The following CGNL1 variants were observed in gnomAD, a reference collection of about 807,000 sequenced individuals.
CGNL1 encodes the protein cingulin-like protein 1.
CGNL1 carries 132 observed loss-of-function variants against 141.2 expected under a neutral mutation model. The observed-to-expected ratio is 0.93, with a 90% CI of 0.81 to 1.08. The LOEUF (loss-of-function observed/expected upper bound fraction) is 1.08, where lower values mean the gene tolerates loss of function less well. Among genes scored for constraint, CGNL1 ranks in the 50% least tolerant of loss-of-function variants. CGNL1 has a pLI of 0.00. For missense variants in CGNL1, 1,870 were observed against 1,588.6 expected (o/e 1.18, Z -3.01); for synonymous variants, 690 against 622.1 (o/e 1.11, Z -1.63).
chr15:57,416,079 T>C (rs1251427995), intron 1 of CGNL1, among the ~76,000 whole-genome samples: 1 of 152,180 alleles, frequency 6.6e-6, no homozygotes, highest in Non-Finnish European at 1.5e-5. Context: ...AAATACAGTT[T>C]TGAGGCCTTC....
intron 12 of CGNL1, among the ~76,000 whole-genome samples, chr15:57,526,954 T>C (rs1490437022): frequency 3.9e-5 from 6 of 152,238 alleles, no homozygotes; most frequent in African/African-American, 1.4e-4. Context: ...ACTCATGTTC[T>C]TTCTGGGTAT....
intron 1 of CGNL1, among the ~76,000 whole-genome samples, chr15:57,406,717 T>C (rs894287015): frequency 2.2e-4 from 34 of 152,188 alleles, no homozygotes; most frequent in African/African-American, 8.0e-4. Flanking sequence ...ACACATGAGA[T>C]CATGGTAATC....
intron 1 of CGNL1, among the ~76,000 whole-genome samples, chr15:57,423,994 C>T (rs1221181292): frequency 6.6e-6 from 1 of 152,200 alleles, no homozygotes; most frequent in South Asian, 2.1e-4. Flanking sequence ...CTCCAGTCCC[C>T]GGCTTTAAGT....
chr15:57,459,092 T>C (rs1353789227), intron 7 of CGNL1, among the ~76,000 whole-genome samples: 1 of 152,216 alleles, frequency 6.6e-6, no homozygotes, highest in Non-Finnish European at 1.5e-5. Context: ...GAAAGTAGCT[T>C]ATCATCTCTG....
At chr15:57,517,273 A>G (rs1373767236) in intron 9 of CGNL1, among the ~76,000 whole-genome samples, 1 of 152,222 alleles carries the variant, frequency 6.6e-6, no homozygotes. Flanking sequence ...GGCTTCACAC[A>G]GGCATCCACC....
At chr15:57,457,911 G>C (rs2063398899) in intron 7 of CGNL1, among the ~76,000 whole-genome samples, 1 of 152,130 alleles carries the variant, frequency 6.6e-6, no homozygotes, top group African/African-American at 2.4e-5. Flanking sequence ...TTGCTTCTCA[G>C]CCTTCTTGAG....
chr15:57,451,010 A>G (rs1421669717), intron 4 of CGNL1, among the ~76,000 whole-genome samples: 2 of 15,106 alleles, frequency 1.3e-4, no homozygotes, highest in Non-Finnish European at 2.4e-3. Context: ...GTATTCTGCC[A>G]TTAAAATAGA....
chr15:57,413,015 C>T (rs770651718), intron 1 of CGNL1, among the ~76,000 whole-genome samples: 8 of 151,994 alleles, frequency 5.3e-5, no homozygotes, highest in Non-Finnish European at 7.4e-5. Flanking sequence ...TGCGTGCCAC[C>T]ATGCCCGACT....
At chr15:57,545,889 T>A (rs2032836166) in intron 17 of CGNL1, among the ~76,000 whole-genome samples, 187 bp from the exon 18 acceptor site, 1 of 152,218 alleles carries the variant, frequency 6.6e-6, no homozygotes, top group South Asian at 2.1e-4. Context: ...CAGCAAATTC[T>A]ACACCCTGAG....
chr15:57,425,984 C>T (rs2062968420), intron 1 of CGNL1, among the ~76,000 whole-genome samples: 1 of 151,932 alleles, frequency 6.6e-6, no homozygotes. Flanking sequence ...GGCCTTTACT[C>T]ACCAATTCTA....
rs548721093 is a variant in CGNL1 at position 57,439,305 on chromosome 15, G to C, written c.1306G>C (p.Gly436Arg). 6 of 1,614,094 alleles carry C rather than the reference G, an allele frequency of 3.7e-6. No individual in the cohort carries two copies. The Admixed American group carries it at 8.3e-5, about 22-fold the overall frequency. ...GCGGCCACTGTCTCAGGAGCGCCGT[G>C]GGAAACAGAGCGTGGGCCGCACCTT... ...PQRPLSQERR[G>R]KQSVGRTFAK... Residue 436 changes from glycine (G) to arginine (R), a missense_variant, in exon 2 of 19, where the codon GGG (glycine) becomes CGG (arginine). By Grantham distance (125) the Gly-to-Arg change is moderately radical (BLOSUM62 -2). Coordinates refer to ENST00000281282, the MANE Select transcript of CGNL1 (RefSeq NM_032866.5).
chr15:57,452,841 T>C (rs1210946242), intron 6 of CGNL1, among the ~76,000 whole-genome samples: 1 of 152,088 alleles, frequency 6.6e-6, no homozygotes, highest in Admixed American at 6.6e-5. Flanking sequence ...TGACGTTCTG[T>C]GGACACGACA....
intron 6 of CGNL1, among the ~76,000 whole-genome samples, chr15:57,452,585 C>T (rs941246272): frequency 1.3e-5 from 2 of 152,194 alleles, no homozygotes; most frequent in African/African-American, 4.8e-5. Context: ...GCACTGAGCG[C>T]TGATACTGAA....
intron 8 of CGNL1, among the ~76,000 whole-genome samples, chr15:57,499,326 A>G (rs1488650368): frequency 6.9e-6 from 1 of 145,194 alleles, no homozygotes; most frequent in Non-Finnish European, 1.5e-5. Context: ...GCTCACTGCA[A>G]CCTCTGGCTT....
At position 57,418,303 on chromosome 15, in the gene CGNL1, GT is replaced by G. The variant is rs2062872901; in HGVS notation, c.-15-19680del. ...GCTAAACAAGCGTAATGAATATCTT[GT>G]TCCATATAATTGCCTCCATCTCATG... is the stretch of plus-strand genomic sequence containing the variant. On this transcript the variant is annotated intron_variant, in intron 1 of 18. Transcript: ENST00000281282. Among the ~76,000 whole-genome samples the G allele has an allele frequency of 3.3e-5, 5 of 152,234 alleles. No homozygotes were observed. In the South Asian group the frequency reaches 1.0e-3, roughly 32 times the overall value.
intron 14 of CGNL1, among the ~76,000 whole-genome samples, chr15:57,537,274 C>T (rs1186858350): frequency 1.3e-5 from 2 of 152,140 alleles, no homozygotes; most frequent in East Asian, 3.9e-4. Flanking sequence ...AGCAAGGCTG[C>T]CTTGTTGCCT....
chr15:57,523,474 C>G lies in CGNL1; in HGVS notation c.2716-15C>G, dbSNP rs563977194. The stretch of plus-strand genomic sequence containing the variant: ...TTAGTAGGTGACAGCACTGTCCTTT[C>G]CCTGCCATTTGCAGGGAAATCTGAG... On this transcript the variant is annotated splice_polypyrimidine_tract_variant and intron_variant, in intron 10 of 18. Transcript: ENST00000281282. 5.0e-5 allele frequency: 80 copies of G among 1,613,756 alleles called. No individual in the cohort carries two copies. The highest frequency in any genetic ancestry group is 6.5e-5 in the Non-Finnish European group (77 of 1,179,946).
chr15:57,530,190 T>A (rs1227662793), intron 13 of CGNL1, among the ~76,000 whole-genome samples: 10 of 152,264 alleles, frequency 6.6e-5, no homozygotes, highest in Admixed American at 6.5e-4. Context: ...GACAGTCTTA[T>A]AAAGAGGTGC....
intron 1 of CGNL1, among the ~76,000 whole-genome samples, chr15:57,385,748 C>CG (rs2062475605): frequency 6.6e-6 from 1 of 152,196 alleles, no homozygotes; most frequent in Non-Finnish European, 1.5e-5. Flanking sequence ...CCTCCCCACC[C>CG]GGGGGTACAT....
Sources: allele counts gnomAD v4.1 joint callset (sites outside exome capture counted in the v4.1 genomes callset), GRCh38; gene constraint gnomAD v4.1.1; transcripts MANE v1.5; gene names NCBI Gene and HGNC (gene_info 2026-07-23, HGNC 2026-07-21).